The following TSHZ3 variants were observed in gnomAD, a reference collection of about 807,000 sequenced individuals.
TSHZ3 encodes teashirt homolog 3.
TSHZ3 carries 10 observed loss-of-function variants against 64.5 expected under a neutral mutation model. The observed-to-expected ratio is 0.16, with a 90% CI of 0.10 to 0.26. TSHZ3 has a LOEUF of 0.26. Among genes scored for constraint, TSHZ3 ranks in the 10% least tolerant of loss-of-function variants. The pLI is 1.00. For missense variants in TSHZ3, 1,242 were observed against 1,421.7 expected (o/e 0.87, Z 2.03); for synonymous variants, 608 against 593.1 (o/e 1.03, Z -0.36).
At chr19:31,344,789 T>C (rs1917536909) in intron 1 of TSHZ3, among the ~76,000 whole-genome samples, 1 of 152,238 alleles carries the variant, frequency 6.6e-6, no homozygotes, top group Non-Finnish European at 1.5e-5. Context: ...TTTCACGGTA[T>C]TTCCCACAGC....
chr19:31,179,908 G>T (rs555560235), intron 5 of TSHZ3, among the ~76,000 whole-genome samples: 1 of 151,998 alleles, frequency 6.6e-6, no homozygotes, highest in Non-Finnish European at 1.5e-5. Context: ...GCCACTCAGC[G>T]TTCTAAGGGC....
chr19:31,334,564 G>C (rs148413244), intron 1 of TSHZ3, among the ~76,000 whole-genome samples: 1 of 152,326 alleles, frequency 6.6e-6, no homozygotes, highest in African/African-American at 2.4e-5. Flanking sequence ...GGCAAAGCCA[G>C]CAGGGTGGGG....
intron 5 of TSHZ3, among the ~76,000 whole-genome samples, chr19:31,178,041 G>A (rs1974640064): frequency 6.6e-6 from 1 of 152,182 alleles, no homozygotes; most frequent in Non-Finnish European, 1.5e-5. Context: ...GCTTAGAGCT[G>A]CCTCAATTTC....
intron 1 of TSHZ3, among the ~76,000 whole-genome samples, chr19:31,258,489 C>T (rs927938433): frequency 1.3e-5 from 2 of 152,152 alleles, no homozygotes; most frequent in Non-Finnish European, 1.5e-5. Flanking sequence ...TGAGTCTCTC[C>T]CTGGCTCTGT....
intron 1 of TSHZ3, among the ~76,000 whole-genome samples, chr19:31,292,527 G>T (rs1472680312): frequency 1.3e-5 from 2 of 152,144 alleles, no homozygotes; most frequent in African/African-American, 4.8e-5. Flanking sequence ...TACTAAAAGA[G>T]CTATATCCAA....
chr19:31,251,647 C>A (rs759382631), intron 1 of TSHZ3, among the ~76,000 whole-genome samples: 6 of 152,212 alleles, frequency 3.9e-5, no homozygotes, highest in East Asian at 1.9e-4. Context: ...GTTCCTGGAA[C>A]CTTTGCATCT....
chr19:31,210,072 G>A (rs1272239355), intron 4 of TSHZ3, among the ~76,000 whole-genome samples: 2 of 152,122 alleles, frequency 1.3e-5, no homozygotes, highest in African/African-American at 4.8e-5. Flanking sequence ...ATGGGAGGGT[G>A]AAGGAAAGGA....
chr19:31,240,488 A>T (rs985574818), intron 3 of TSHZ3, among the ~76,000 whole-genome samples: 6 of 152,138 alleles, frequency 3.9e-5, no homozygotes, highest in African/African-American at 1.4e-4. Flanking sequence ...TCCGCATTTA[A>T]TCTGTTGTTA....
intron 1 of TSHZ3, among the ~76,000 whole-genome samples, chr19:31,345,864 G>C (rs1917576908): frequency 6.6e-6 from 1 of 151,990 alleles, no homozygotes; most frequent in African/African-American, 2.4e-5. Flanking sequence ...TTTAAGCAGG[G>C]GATAATGGTC....
At position 31,277,122 on chromosome 19, in the gene TSHZ3, T is replaced by A; in HGVS notation, c.2671A>T (p.Arg891Trp). The A allele has an allele frequency of 6.2e-7, 1 of 1,603,788 alleles. No individual in the cohort carries two copies. Among genetic ancestry groups the A allele is most frequent in the Non-Finnish European group, 8.5e-7 (1 of 1,173,628 alleles). The change falls in exon 2 of 2, where the codon AGG becomes TGG. Residue 891 changes from arginine to tryptophan, a missense_variant. Around this residue, in one of 4 missense-constraint regions of TSHZ3, gnomAD observed 550 missense variants for 545.1 expected, o/e 1.01. Coordinates refer to ENST00000240587, the MANE Select transcript of TSHZ3 (RefSeq NM_020856.4). This position sits in a 1 kb window ranked among gnomAD's most constrained non-coding sequence, Gnocchi z 4.5. The stretch of plus-strand genomic sequence containing the variant: ...TTCCAGTTTGACTGGCGGCCCTTCC[T>A]CTTCTGGGCGGGCGTCGACTCCTCA... ...EAEESTPAQK[R>W]KGRQSNWNPQ...
intron 1 of TSHZ3, among the ~76,000 whole-genome samples, chr19:31,332,980 C>T (rs1438386513): frequency 6.6e-6 from 1 of 151,952 alleles, no homozygotes; most frequent in South Asian, 2.1e-4. Flanking sequence ...TGGTGTGTGC[C>T]TGTGGTCCCA....
intron 1 of TSHZ3, among the ~76,000 whole-genome samples, chr19:31,341,920 ACCAAGGCCCATCTT>A (rs1917450345): frequency 6.6e-6 from 1 of 152,194 alleles, no homozygotes. Flanking sequence ...ATCCCTCCAA[ACCAAGGCCCATCTT>A]TTCCAATAAA....
chr19:31,167,526 G>A, intron 5 of TSHZ3: 1 of 152,184 alleles, frequency 6.6e-6, no homozygotes, highest in East Asian at 1.9e-4. Flanking sequence ...CCGAGATTGT[G>A]TGCTGAGGGT....
chr19:31,321,140 T>C (rs1916758249), intron 1 of TSHZ3, among the ~76,000 whole-genome samples: 1 of 152,184 alleles, frequency 6.6e-6, no homozygotes, highest in South Asian at 2.1e-4. Flanking sequence ...ATACAGTGCT[T>C]TATAATTTTT....
intron 1 of TSHZ3, among the ~76,000 whole-genome samples, chr19:31,295,882 T>A (rs928078209): frequency 6.7e-6 from 1 of 149,256 alleles, no homozygotes; most frequent in Non-Finnish European, 1.5e-5. Context: ...ATCACCCCAG[T>A]AGTGAGCATG....
chr19:31,292,906 C>CACCCATCCATCCAACCAAAA (rs1457962407), intron 1 of TSHZ3, among the ~76,000 whole-genome samples: 12,691 of 134,358 alleles, frequency 0.094, 1,991 homozygotes, highest in East Asian at 0.29. Flanking sequence ...TCCATCCATC[C>CACCCATCCATCCAACCAAAA]ACCCATCCAT....
rs1369252947 is a variant in TSHZ3 at position 31,281,116 on chromosome 19, A to G, written c.41-1364T>C. ...TTGGAACGTTGCAGTGCTAATTGCA[A>G]GGCTGATTTCTACAAAAAGCTCTTA... On this transcript the variant is annotated intron_variant, in intron 1 of 1. Coordinates refer to ENST00000240587, the MANE Select transcript of TSHZ3 (RefSeq NM_020856.4). Among the ~76,000 whole-genome samples, 14 of 152,310 alleles carry G rather than the reference A, an allele frequency of 9.2e-5. No homozygotes were observed. In the East Asian group the frequency reaches 2.7e-3, roughly 29 times the overall value.
chr19:31,226,284 G>A (rs143867431), intron 4 of TSHZ3, among the ~76,000 whole-genome samples: 98 of 152,172 alleles, frequency 6.4e-4, no homozygotes, highest in African/African-American at 2.2e-3. Flanking sequence ...TTGAATTGTA[G>A]CTCCTATAAT....
At chr19:31,271,149 T>A (rs1976130705), downstream of TSHZ3, among the ~76,000 whole-genome samples, 1 of 152,112 alleles carries the variant, frequency 6.6e-6, no homozygotes, top group African/African-American at 2.4e-5. Context: ...TAACCAACAA[T>A]TTGGCTAATC....
Sources: allele counts gnomAD v4.1 joint callset (sites outside exome capture counted in the v4.1 genomes callset), GRCh38; gene constraint gnomAD v4.1.1; regional missense constraint gnomAD v4.1.1; non-coding constraint Gnocchi (gnomAD v3.1); transcripts MANE v1.5; gene names NCBI Gene and HGNC (gene_info 2026-07-23, HGNC 2026-07-21).